The following PLXNA4 variants were observed in gnomAD, a reference collection of about 807,000 sequenced individuals.
The protein encoded by PLXNA4 is plexin-A4.
A neutral mutation model predicts 191.8 loss-of-function variants in PLXNA4; 44 were observed. That is an observed-to-expected ratio of 0.23 (90% CI 0.18 to 0.29). The LOEUF is 0.29. Ranked by LOEUF, PLXNA4 falls within the 10% of genes least tolerant of loss-of-function variation. The pLI, the probability that PLXNA4 is intolerant of heterozygous loss-of-function variation, is 1.00. For missense variants in PLXNA4, 1,800 were observed against 2,488.8 expected (o/e 0.72, Z 5.89); for synonymous variants, 1,082 against 1,009.5 (o/e 1.07, Z -1.36).
intron 1 of PLXNA4, among the ~76,000 whole-genome samples, chr7:132,549,866 G>C (rs1323123616): frequency 6.6e-6 from 1 of 152,112 alleles, no homozygotes; most frequent in Non-Finnish European, 1.5e-5. Flanking sequence ...TTGTGGATGG[G>C]CAGACAAGTT....
chr7:132,628,233 G>T (rs1233774353), intron 2 of PLXNA4, among the ~76,000 whole-genome samples: 1 of 152,136 alleles, frequency 6.6e-6, no homozygotes, highest in African/African-American at 2.4e-5. Context: ...AGCATTTTCT[G>T]TCAGAATTCT....
intron 4 of PLXNA4, among the ~76,000 whole-genome samples, chr7:132,294,623 A>G (rs1412980775): frequency 6.6e-6 from 1 of 152,184 alleles, no homozygotes; most frequent in African/African-American, 2.4e-5. Flanking sequence ...GGTGGGTAAC[A>G]ATGAAGTGGT....
intron 3 of PLXNA4, among the ~76,000 whole-genome samples, chr7:132,309,029 G>A (rs956654042): frequency 1.3e-5 from 2 of 152,138 alleles, no homozygotes; most frequent in Non-Finnish European, 2.9e-5. Context: ...GCTGTCTGAA[G>A]ACAATAGAGG....
chr7:132,632,161 G>A (rs918497752), intron 2 of PLXNA4, among the ~76,000 whole-genome samples: 15 of 150,668 alleles, frequency 1.0e-4, no homozygotes, highest in East Asian at 5.9e-4. Context: ...ACTTGAACCC[G>A]GGAGGCGGAG....
chr7:132,156,313 G>A lies in PLXNA4; in HGVS notation c.4660+3160C>T, dbSNP rs1221960141. On this transcript the variant is annotated intron_variant, in intron 25 of 31. Coordinates refer to ENST00000321063, the MANE Select transcript of PLXNA4 (RefSeq NM_020911.2). The stretch of plus-strand genomic sequence containing the variant: ...TAGAGGGAGAGGAGTGGGAGAGCTC[G>A]TCTGAGCTCTGAGGAGCAATGAATA... Among the ~76,000 whole-genome samples, 7 of 152,284 alleles carry A rather than the reference G, an allele frequency of 4.6e-5. No homozygotes were observed. The East Asian group carries it at 1.2e-3, about 25-fold the overall frequency.
intron 3 of PLXNA4, among the ~76,000 whole-genome samples, chr7:132,472,367 G>T (rs1173771356): frequency 1.3e-5 from 2 of 152,242 alleles, no homozygotes; most frequent in East Asian, 3.9e-4. Flanking sequence ...TCTATATTTT[G>T]CTGGATTCTT....
At chr7:132,179,133 ACACACGTGCGT>A (rs2116727453) in intron 20 of PLXNA4, among the ~76,000 whole-genome samples, 2 of 106,000 alleles carry the variant, frequency 1.9e-5, no homozygotes, top group African/African-American at 4.3e-5. Flanking sequence ...GTGCGTGCTC[ACACACGTGCGT>A]GCTCACACAC....
Position 132,127,508 on chromosome 7 carries a change from T to G in PLXNA4, c.*2971A>C, listed in dbSNP as rs187577712. 1.3e-5 allele frequency: 2 copies of G among 152,220 alleles called. No homozygotes were observed. The highest frequency in any genetic ancestry group is 2.1e-4 in the South Asian group (1 of 4,828). 9.4% of individuals were successfully genotyped at this position (152,220 alleles called of 1,614,324 possible). ...GGGATGGGGGGCAAGGACAGCTTTT[T>G]GACAATGTTGCTTGTCTTTGCTTTT... is the stretch of plus-strand genomic sequence containing the variant. On this transcript the variant is annotated 3_prime_UTR_variant, in exon 32 of 32. Transcript: ENST00000321063.
chr7:132,618,487 T>C (rs1803197299), intron 2 of PLXNA4, among the ~76,000 whole-genome samples: 1 of 152,240 alleles, frequency 6.6e-6, no homozygotes, highest in Admixed American at 6.5e-5. Flanking sequence ...ATTTCACAAA[T>C]GATTATGTGA....
chr7:132,601,837 A>T (rs1466521227), intron 2 of PLXNA4, among the ~76,000 whole-genome samples: 1 of 152,230 alleles, frequency 6.6e-6, no homozygotes, highest in East Asian at 1.9e-4. Context: ...GTACTTGTTG[A>T]TCCTTTTCTG....
intron 1 of PLXNA4, among the ~76,000 whole-genome samples, chr7:132,571,175 T>C (rs889986096): frequency 6.6e-6 from 1 of 152,162 alleles, no homozygotes; most frequent in Non-Finnish European, 1.5e-5. Flanking sequence ...GGACTGAGGT[T>C]AGCCCTGGCT....
intron 1 of PLXNA4, among the ~76,000 whole-genome samples, chr7:132,646,964 C>T (rs751171195): frequency 1.3e-5 from 2 of 151,970 alleles, no homozygotes; most frequent in Non-Finnish European, 2.9e-5. Context: ...CGCTGTCATA[C>T]ACTCACAAAT....
At chr7:132,561,082 A>T (rs1801017853) in intron 1 of PLXNA4, among the ~76,000 whole-genome samples, 1 of 151,944 alleles carries the variant, frequency 6.6e-6, no homozygotes, top group Admixed American at 6.6e-5. Context: ...GGATACTGAC[A>T]CTGGTCCTGG....
Position 132,306,939 on chromosome 7 carries a change from C to G in PLXNA4, c.1372-8717G>C, listed in dbSNP as rs141355247. Among the ~76,000 whole-genome samples the G allele has an allele frequency of 3.4e-4, 52 of 152,184 alleles. No homozygotes were observed. In the East Asian group the frequency reaches 9.5e-3, roughly 28 times the overall value. On this transcript the variant is annotated intron_variant, in intron 3 of 31. Coordinates refer to ENST00000321063, the MANE Select transcript of PLXNA4 (RefSeq NM_020911.2). ...CAGCAGGTTGGCAGCAAGACAGATG[C>G]GAATACGGGCATGAGGTCTGAGTAA...
chr7:132,233,570 C>T (rs1798595083), intron 5 of PLXNA4, among the ~76,000 whole-genome samples: 1 of 152,196 alleles, frequency 6.6e-6, no homozygotes, highest in African/African-American at 2.4e-5. Context: ...GCCCATGGTC[C>T]TTTGCCATCT....
rs1031215732 is a variant in PLXNA4 at position 132,417,988 on chromosome 7, A to G, written c.1371+71304T>C. ...TATTTGGACAAAACGCTTCTAATTC[A>G]TTATTCCTCCTGTGGAAGACTTTTT... is the stretch of plus-strand genomic sequence containing the variant. On this transcript the variant is annotated intron_variant, in intron 3 of 31. Coordinates refer to ENST00000321063, the MANE Select transcript of PLXNA4 (RefSeq NM_020911.2). Among the ~76,000 whole-genome samples, 6 of 152,206 alleles carry G rather than the reference A, an allele frequency of 3.9e-5. No individual in the cohort carries two copies. In the East Asian group the frequency reaches 1.2e-3, roughly 29 times the overall value.
chr7:132,474,340 C>T (rs1197905208), intron 3 of PLXNA4, among the ~76,000 whole-genome samples: 1 of 151,932 alleles, frequency 6.6e-6, no homozygotes, highest in South Asian at 2.1e-4. Flanking sequence ...CCTGTAGAGG[C>T]AACGTGAGAT....
intron 3 of PLXNA4, among the ~76,000 whole-genome samples, chr7:132,425,295 TA>T (rs571466321): frequency 1.2e-4 from 18 of 149,306 alleles, no homozygotes; most frequent in South Asian, 4.2e-4. Flanking sequence ...AGGAAAGCTT[TA>T]AAAAAAAAAG....
intron 3 of PLXNA4, among the ~76,000 whole-genome samples, chr7:132,439,458 A>C (rs944224285): frequency 2.6e-5 from 4 of 151,744 alleles, no homozygotes; most frequent in Non-Finnish European, 5.9e-5. Flanking sequence ...ATATATCCAT[A>C]CATACATGTG....
Sources: allele counts gnomAD v4.1 joint callset (sites outside exome capture counted in the v4.1 genomes callset), GRCh38; gene constraint gnomAD v4.1.1; transcripts MANE v1.5; gene names NCBI Gene and HGNC (gene_info 2026-07-23, HGNC 2026-07-21).